VAV2: variants seen among roughly 807,000 people sequenced by gnomAD.
VAV2 encodes guanine nucleotide exchange factor VAV2.
A neutral mutation model predicts 132.5 loss-of-function variants in VAV2; 67 were observed. The observed-to-expected ratio is 0.51, with a 90% CI of 0.42 to 0.62. VAV2 has a LOEUF of 0.62. Among genes scored for constraint, VAV2 ranks in the 20% least tolerant of loss-of-function variants. The pLI, the probability that VAV2 is intolerant of heterozygous loss-of-function variation, is 0.00. For synonymous variants in VAV2, 492 were observed against 443.5 expected, an observed-to-expected ratio of 1.11 and a Z score of -1.37; for missense variants, 938 against 1,153.6, an observed-to-expected ratio of 0.81 and a Z score of 2.71.
At chr9:133,908,009 C>T (rs1450818256) in intron 2 of VAV2, among the ~76,000 whole-genome samples, 1 of 119,982 alleles carries the variant, frequency 8.3e-6, no homozygotes, top group East Asian at 2.9e-4. Context: ...TCTCTGCCTT[C>T]CCCCAGAGAG....
chr9:133,870,100 A>G (rs1837969159), intron 2 of VAV2, among the ~76,000 whole-genome samples: 1 of 152,190 alleles, frequency 6.6e-6, no homozygotes, highest in Non-Finnish European at 1.5e-5. Flanking sequence ...GATAATTACA[A>G]AACATGTGCA....
chr9:133,981,117 G>A (rs1235429673), intron 1 of VAV2, among the ~76,000 whole-genome samples: 1 of 152,180 alleles, frequency 6.6e-6, no homozygotes, highest in African/African-American at 2.4e-5. Flanking sequence ...AGCAGGAGAC[G>A]GGGTGAGGCC....
chr9:133,896,870 G>A (rs918670263), intron 2 of VAV2, among the ~76,000 whole-genome samples: 1 of 152,104 alleles, frequency 6.6e-6, no homozygotes, highest in African/African-American at 2.4e-5. Context: ...CGAGGCGGGC[G>A]GATCACGAGA....
In VAV2 at chr9:133,992,066, G is replaced by A; in HGVS notation, c.204+9C>T. 6.5e-7 allele frequency: 1 copy of A among 1,546,402 alleles called. No homozygotes were observed. The highest frequency in any genetic ancestry group is 8.7e-7 in the Non-Finnish European group (1 of 1,147,836). On this transcript the variant is annotated intron_variant, in intron 1 of 29. Transcript: ENST00000371850. The surrounding 1 kb of genome is among the most constrained non-coding windows in gnomAD (Gnocchi z 5.5). ...CTCCCCGGGGCCCTCCCGCCCGCCG[G>A]GCGCTCACCTGGGACATCTGCGGCC...
Position 133,804,616 on chromosome 9 carries a change from C to A in VAV2, c.836+1465G>T, listed in dbSNP as rs968946386. Among the ~76,000 whole-genome samples the A allele has an allele frequency of 6.6e-6, 1 of 152,224 alleles. No homozygotes were observed. Among genetic ancestry groups the A allele is most frequent in the Non-Finnish European group, 1.5e-5 (1 of 68,040 alleles). Reference sequence around the variant, plus strand: ...TTGACGGACCTCGAAGCAAACCACGCCTCATCCGTGGCTCCCTCCCTTCCT... The same window carrying A: ...TTGACGGACCTCGAAGCAAACCACGACTCATCCGTGGCTCCCTCCCTTCCT... On this transcript the variant is annotated intron_variant, in intron 9 of 29. Transcript: ENST00000371850. The surrounding 1 kb of genome is among the most constrained non-coding windows in gnomAD (Gnocchi z 4.5).
Position 133,769,580 on chromosome 9 carries a change from CG to C in VAV2, c.2348-78del, listed in dbSNP as rs1405180810. 14 of 1,435,970 alleles carry C rather than the reference CG, an allele frequency of 9.7e-6. No homozygotes were observed. The highest frequency in any genetic ancestry group is 1.1e-5 in the Non-Finnish European group (12 of 1,056,298). The allele number at this position is 1,435,970 out of a possible 1,614,324, so 89.0% of individuals were successfully genotyped here. A position where few individuals can be genotyped will look rare whatever the true frequency, so the allele number is the denominator to read the frequency against. ...AGTCACGGTGGGCACAGCTACAGGC[CG>C]GGGGGCATGGGGTGGGGCAGGCCCT... On this transcript the variant is annotated intron_variant, in intron 27 of 29. Transcript: ENST00000371850. The surrounding 1 kb of genome is among the most constrained non-coding windows in gnomAD (Gnocchi z 8.1).
At chr9:133,887,163 G>A (rs1838745719) in intron 2 of VAV2, among the ~76,000 whole-genome samples, 1 of 152,160 alleles carries the variant, frequency 6.6e-6, no homozygotes, top group Non-Finnish European at 1.5e-5. Context: ...GCCATCTGCT[G>A]GGCCCATTCA....
At chr9:133,927,600 C>A (rs1840526116) in intron 2 of VAV2, among the ~76,000 whole-genome samples, 1 of 152,218 alleles carries the variant, frequency 6.6e-6, no homozygotes, top group Non-Finnish European at 1.5e-5. Flanking sequence ...CAACTCACCC[C>A]CTGCACCCTT....
At chr9:133,796,572 G>T in intron 10 of VAV2, 48 bp from the exon 11 acceptor site, 1 of 1,560,098 alleles carries the variant, frequency 6.4e-7, no homozygotes. Context: ...AGGAAAGCCT[G>T]AACCCACCCA....
chr9:133,798,911 G>C (rs1452680078), intron 9 of VAV2, among the ~76,000 whole-genome samples: 1 of 152,240 alleles, frequency 6.6e-6, no homozygotes, highest in African/African-American at 2.4e-5. Context: ...AGGGCTGTGT[G>C]TTGGTGTCTG....
At chr9:133,808,783 T>C (rs1372246729) in intron 7 of VAV2, among the ~76,000 whole-genome samples, 1 of 152,158 alleles carries the variant, frequency 6.6e-6, no homozygotes, top group Non-Finnish European at 1.5e-5. Flanking sequence ...GAAGCCGTAA[T>C]CCCACCCCGA....
chr9:133,970,138 G>A (rs374261316), intron 1 of VAV2, among the ~76,000 whole-genome samples: 2 of 152,202 alleles, frequency 1.3e-5, no homozygotes, highest in South Asian at 4.1e-4. Flanking sequence ...CTCAGACTCT[G>A]CAGGACTCCT....
At chr9:133,944,374 C>G (rs565000824) in intron 1 of VAV2, among the ~76,000 whole-genome samples, 1 of 152,190 alleles carries the variant, frequency 6.6e-6, no homozygotes, top group Non-Finnish European at 1.5e-5. Flanking sequence ...GAAACTAAGC[C>G]GGGGGAGGCA....
chr9:133,923,113 T>C (rs1194518522), intron 2 of VAV2, among the ~76,000 whole-genome samples: 3 of 152,204 alleles, frequency 2.0e-5, no homozygotes, highest in African/African-American at 7.2e-5. Flanking sequence ...CACTAATCAT[T>C]CGGGGATACA....
Position 133,796,455 on chromosome 9 carries a change from C to A in VAV2, c.1006G>T (p.Val336Leu), listed in dbSNP as rs770973334. Reference protein sequence around the residue: ...QDLLVVPMQRVLKYHLLLKEL... With the variant: ...QDLLVVPMQRLLKYHLLLKEL... ...TTCAAGAGCAGGTGGTATTTGAGCA[C>A]CCTCTGCATGGGGACCACCAGCAGG... Residue 336 changes from valine (V) to leucine (L), a missense_variant, in exon 11 of 30, where the codon GTG (valine) becomes TTG (leucine). Transcript: ENST00000371850. 6.2e-7 allele frequency: 1 copy of A among 1,613,742 alleles called. No homozygotes were observed. The highest frequency in any genetic ancestry group is 1.7e-5 in the Admixed American group (1 of 60,002).
At chr9:133,765,425 C>T (rs1833399964) in intron 29 of VAV2, among the ~76,000 whole-genome samples, 1 of 152,216 alleles carries the variant, frequency 6.6e-6, no homozygotes, top group Non-Finnish European at 1.5e-5. Flanking sequence ...GTGCCAACGT[C>T]CCCATTGTGG....
At chr9:133,913,984 T>A (rs767345302) in intron 2 of VAV2, among the ~76,000 whole-genome samples, 1 of 152,038 alleles carries the variant, frequency 6.6e-6, no homozygotes, top group Non-Finnish European at 1.5e-5. Context: ...TTCTGTTTGG[T>A]CCCCACTCCA....
In VAV2 at chr9:133,764,045, T is replaced by G; in HGVS notation, c.*17A>C. On this transcript the variant is annotated 3_prime_UTR_variant, in exon 30 of 30. Transcript: ENST00000371850. ...CTCTCCCAAGAAAATCTGCGAGTCT[T>G]GTCCACGTTCCTGCCGTCACTGGAT... The G allele has an allele frequency of 1.9e-6, 3 of 1,614,040 alleles. No individual in the cohort carries two copies. The highest frequency in any genetic ancestry group is 2.5e-6 in the Non-Finnish European group (3 of 1,179,976).
At chr9:133,913,337 C>T (rs1588359794) in intron 2 of VAV2, among the ~76,000 whole-genome samples, 1 of 152,166 alleles carries the variant, frequency 6.6e-6, no homozygotes, top group African/African-American at 2.4e-5. Flanking sequence ...AAGGTGGGAA[C>T]GATCGCAGGC....
Sources: gnomAD v4.1 joint callset for allele counts (sites outside exome capture counted in the v4.1 genomes callset) on GRCh38, gnomAD v4.1.1 for gene constraint, Gnocchi (gnomAD v3.1) non-coding constraint, MANE v1.5 for transcripts, NCBI Gene and HGNC (gene_info 2026-07-23, HGNC 2026-07-21) for gene names.